The following PITPNM2 variants were observed in gnomAD, a reference collection of about 807,000 sequenced individuals.
PITPNM2 encodes the protein membrane-associated phosphatidylinositol transfer protein 2.
Under a neutral mutation model 132.2 loss-of-function variants are expected in PITPNM2, and 35 were observed. That is an observed-to-expected ratio of 0.26 (90% CI 0.20 to 0.35). The LOEUF (loss-of-function observed/expected upper bound fraction) is 0.35, where lower values mean the gene tolerates loss of function less well. Among genes scored for constraint, PITPNM2 ranks in the 10% least tolerant of loss-of-function variants. PITPNM2 has a pLI of 1.00. For synonymous variants in PITPNM2, 738 were observed against 799.2 expected, an observed-to-expected ratio of 0.92 and a Z score of 1.29; for missense variants, 1,332 against 1,912.0, an observed-to-expected ratio of 0.70 and a Z score of 5.66.
chr12:123,132,045 C>A (rs974308011), intron 1 of PITPNM2, among the ~76,000 whole-genome samples: 1 of 152,234 alleles, frequency 6.6e-6, no homozygotes, highest in East Asian at 1.9e-4. Context: ...ACCCAGTGCC[C>A]GATTCCCCCA....
At chr12:123,018,080 T>A (rs1005291347) in intron 3 of PITPNM2, among the ~76,000 whole-genome samples, 3 of 140,214 alleles carry the variant, frequency 2.1e-5, no homozygotes, top group Non-Finnish European at 4.7e-5. Context: ...TCTCTCTCTT[T>A]CTCTTTCTCT....
chr12:123,084,054 A>G (rs1259539255), intron 2 of PITPNM2: 1 of 152,268 alleles, frequency 6.6e-6, no homozygotes, highest in African/African-American at 2.4e-5. Context: ...GCCTGCTGAG[A>G]GTCACAGGGT....
Position 122,989,885 on chromosome 12 carries a change from G to A in PITPNM2, c.2633C>T (p.Ala878Val), listed in dbSNP as rs1181502220. The A allele has an allele frequency of 8.4e-6, 9 of 1,077,362 alleles. No homozygotes were observed. Among genetic ancestry groups the A allele is most frequent in the African/African-American group, 6.7e-5 (4 of 59,998 alleles). The allele number at this position is 1,077,362 out of a possible 1,614,324, so 66.7% of individuals were successfully genotyped here. The change falls in exon 18 of 26, where the codon GCC becomes GTC. Residue 878 changes from alanine to valine, a missense_variant. Transcript: ENST00000320201. Reference protein sequence around the residue: ...VRRLSLLALPAPSPTTPGPHP... With the variant: ...VRRLSLLALPVPSPTTPGPHP... ...GGGGCCAGGGGTGGTGGGGCTGGGG[G>A]CGGGCAGGGCGAGCAGGGACAGACG...
intron 1 of PITPNM2, among the ~76,000 whole-genome samples, chr12:123,144,019 T>G (rs2043560984): frequency 6.6e-6 from 1 of 152,240 alleles, no homozygotes; most frequent in Non-Finnish European, 1.5e-5. Context: ...CCCTAGTCAC[T>G]AAAATTTATC....
intron 1 of PITPNM2, among the ~76,000 whole-genome samples, chr12:123,124,557 G>A (rs904918640): frequency 1.3e-5 from 2 of 152,136 alleles, no homozygotes; most frequent in African/African-American, 4.8e-5. Context: ...TGAAGACAGG[G>A]GTGGCAAGAA....
At chr12:123,151,678 C>T (rs2043761805), upstream of PITPNM2, among the ~76,000 whole-genome samples, 1 of 152,218 alleles carries the variant, frequency 6.6e-6, no homozygotes, top group East Asian at 1.9e-4. Context: ...CAGTTTAATC[C>T]GGATGATCTG....
intron 16 of PITPNM2, among the ~76,000 whole-genome samples, chr12:122,991,402 G>A (rs922205531): frequency 1.3e-5 from 2 of 152,192 alleles, no homozygotes; most frequent in African/African-American, 2.4e-5. Context: ...ACCCCTCGCT[G>A]GGACCAGAAG....
chr12:123,129,414 A>AAAAAAATTAGCTG (rs2043214889), intron 1 of PITPNM2, among the ~76,000 whole-genome samples: 1 of 151,044 alleles, frequency 6.6e-6, no homozygotes, highest in Non-Finnish European at 1.5e-5. Flanking sequence ...TAAAAATACA[A>AAAAAAATTAGCTG]AAAAAATTAG....
At chr12:123,048,565 A>G (rs2040747229) in intron 2 of PITPNM2, among the ~76,000 whole-genome samples, 2 of 152,058 alleles carry the variant, frequency 1.3e-5, no homozygotes, top group African/African-American at 4.8e-5. Flanking sequence ...GGCGCCCGCC[A>G]CCGCGCCCGG....
intron 2 of PITPNM2, among the ~76,000 whole-genome samples, chr12:123,046,523 C>T (rs2040664063): frequency 6.6e-6 from 1 of 152,180 alleles, no homozygotes; most frequent in Non-Finnish European, 1.5e-5. Flanking sequence ...GCAACCATCA[C>T]CCCTATCTAA....
At chr12:123,103,517 T>A (rs2137255087) in intron 2 of PITPNM2, among the ~76,000 whole-genome samples, 1 of 152,290 alleles carries the variant, frequency 6.6e-6, no homozygotes, top group East Asian at 1.9e-4. Flanking sequence ...TCACAAAGTC[T>A]CAGGCTCCTG....
Position 123,023,110 on chromosome 12 carries a change from T to G in PITPNM2, c.79-9068A>C, listed in dbSNP as rs1220021755. On this transcript the variant is annotated intron_variant, in intron 3 of 25. Transcript: ENST00000320201. This position sits in a 1 kb window ranked among gnomAD's most constrained non-coding sequence, Gnocchi z 4.8. ...AGGCAGTTCGAAGCACAGGCTGGGC[T>G]GGGGCCAGCTCACTGGAGGGAGGGG... Among the ~76,000 whole-genome samples, 1 of 152,228 alleles carries G rather than the reference T, an allele frequency of 6.6e-6. No individual in the cohort carries two copies. Among genetic ancestry groups the G allele is most frequent in the East Asian group, 1.9e-4 (1 of 5,190 alleles).
chr12:123,004,365 C>T lies in PITPNM2; in HGVS notation c.1048+29G>A, dbSNP rs375848472. The T allele has an allele frequency of 5.6e-6, 9 of 1,611,294 alleles. No individual in the cohort carries two copies. The highest frequency in any genetic ancestry group is 6.8e-6 in the Non-Finnish European group (8 of 1,178,164). On this transcript the variant is annotated intron_variant, in intron 8 of 25. Transcript: ENST00000320201. This position sits in a 1 kb window ranked among gnomAD's most constrained non-coding sequence, Gnocchi z 4.9. Reference sequence around the variant, plus strand: ...CCTCCCCACCTCGCCCAGGAAGGCCCCAAGGACTGCAGAGCGCTGCCTGCC... The same window carrying T: ...CCTCCCCACCTCGCCCAGGAAGGCCTCAAGGACTGCAGAGCGCTGCCTGCC...
At chr12:123,033,733 C>T (rs891625733) in intron 3 of PITPNM2, among the ~76,000 whole-genome samples, 1 of 152,108 alleles carries the variant, frequency 6.6e-6, no homozygotes, top group Non-Finnish European at 1.5e-5. Flanking sequence ...CCTAAAAGGC[C>T]TGACCCCCAG....
intron 3 of PITPNM2, among the ~76,000 whole-genome samples, chr12:123,017,425 T>C (rs12425850): frequency 0.54 from 82,592 of 151,612 alleles, 26,961 homozygotes; most frequent in Non-Finnish European, 0.71. Flanking sequence ...AGCATTACCA[T>C]ATGACCAGCA....
At chr12:122,997,284 T>C (rs2136129740) in intron 11 of PITPNM2, 41 bp downstream of exon 11, 1 of 1,609,610 alleles carries the variant, frequency 6.2e-7, no homozygotes, top group Non-Finnish European at 8.5e-7. Flanking sequence ...AGGAGGACAG[T>C]GCACTGCCGG....
At chr12:123,060,052 C>T (rs546510595) in intron 2 of PITPNM2, among the ~76,000 whole-genome samples, 13 of 152,272 alleles carry the variant, frequency 8.5e-5, no homozygotes, top group African/African-American at 3.1e-4. Context: ...GTCCTGGCAG[C>T]GCTCCCTTTT....
intron 2 of PITPNM2, among the ~76,000 whole-genome samples, chr12:123,080,812 A>C (rs145437225): frequency 5.5e-4 from 83 of 152,198 alleles, no homozygotes; most frequent in African/African-American, 1.9e-3. Context: ...TGGGGCAACA[A>C]TCTCTACCCC....
chr12:123,033,674 G>A (rs560237010), intron 3 of PITPNM2, among the ~76,000 whole-genome samples: 9 of 152,262 alleles, frequency 5.9e-5, no homozygotes, highest in Admixed American at 5.9e-4. Flanking sequence ...GGCCTCATAC[G>A]CCTTCCTGTC....
Sources: gnomAD v4.1 joint callset for allele counts (sites outside exome capture counted in the v4.1 genomes callset) on GRCh38, gnomAD v4.1.1 for gene constraint, Gnocchi (gnomAD v3.1) non-coding constraint, MANE v1.5 for transcripts, NCBI Gene and HGNC (gene_info 2026-07-23, HGNC 2026-07-21) for gene names.